The following AQP2 variants were observed in gnomAD, a reference collection of about 807,000 sequenced individuals.
AQP2 encodes aquaporin 2.
A neutral mutation model predicts 21.6 loss-of-function variants in AQP2; 20 were observed. That is an observed-to-expected ratio of 0.92 (90% CI 0.65 to 1.34). The LOEUF (loss-of-function observed/expected upper bound fraction) is 1.34. AQP2 is among the 40% of genes most tolerant of loss of function. The probability of loss-of-function intolerance (pLI) is 0.00; values close to 1 mark genes in which losing one functional copy is unlikely to be tolerated. For synonymous variants in AQP2, 168 were observed against 166.9 expected, an observed-to-expected ratio of 1.01 and a Z score of -0.05; for missense variants, 325 against 363.4, an observed-to-expected ratio of 0.89 and a Z score of 0.86.
Position 49,954,230 on chromosome 12 carries a change from T to C in AQP2, c.436T>C (p.Phe146Leu), listed in dbSNP as rs755964170. 10 of 1,605,260 alleles carry C rather than the reference T, an allele frequency of 6.2e-6. 1 individual carries two copies. The South Asian group carries it at 7.7e-5, about 12-fold the overall frequency. The change falls in exon 2 of 4, where the codon TTC becomes CTC. Residue 146 changes from phenylalanine (F) to leucine (L), a missense_variant. By Grantham distance (22) the Phe-to-Leu change is conservative. Transcript: ENST00000199280. ...FLTLQLVLCIFASTDERRGEN... is the reference protein window; with the variant it reads ...FLTLQLVLCILASTDERRGEN... ...GACACTGCAGCTGGTGCTCTGCATC[T>C]TCGCCTCCACCGATGAGCGCCGCGG...
Position 49,954,319 on chromosome 12 carries a change from G to T in AQP2, c.525G>T (p.Gly175=). ...GFSVALGHLL[G]IHYTGCSMNP... is the part of the protein sequence containing the mutation. ...CTGTGGCCCTGGGCCACCTCCTTGG[G>T]GTAGGTCATGGCCATGGGTTCCAGC... Residue 175 remains glycine, a splice_region_variant and synonymous_variant, in exon 2 of 4, where the codon GGG becomes GGT. Transcript: ENST00000199280. 1 of 1,608,210 alleles carries T rather than the reference G, an allele frequency of 6.2e-7. No individual in the cohort carries two copies.
At chr12:49,955,261 G>A in intron 3 of AQP2, 138 bp from the exon 4 acceptor site, 1 of 965,108 alleles carries the variant, frequency 1.0e-6, no homozygotes, top group Non-Finnish European at 1.5e-6. Flanking sequence ...CGTTGTCGTT[G>A]TAATTACATA....
chr12:49,953,188 A>G lies in AQP2; in HGVS notation c.361-967A>G, dbSNP rs192071629. On this transcript the variant is annotated intron_variant, in intron 1 of 3. Transcript: ENST00000199280. ...TCTAGAGACTCTGCATTGGACAACA[A>G]TAGGAGGGATTGAGGTTAGACCCTA... 1.3e-3 allele frequency among the ~76,000 whole-genome samples: 194 copies of G among 152,300 alleles called. 1 individual carries two copies. Among genetic ancestry groups the G allele is most frequent in the Non-Finnish European group, 2.0e-3 (137 of 68,016 alleles).
At position 49,955,420 on chromosome 12, in the gene AQP2, G is replaced by A. The variant is rs752925390; in HGVS notation, c.628G>A (p.Val210Met). The change falls in exon 4 of 4, where the codon GTG (valine) becomes ATG (methionine). Residue 210 changes from valine to methionine, a missense_variant. By Grantham distance (21) the Val-to-Met change is conservative. Coordinates refer to ENST00000199280, the MANE Select transcript of AQP2 (RefSeq NM_000486.6). ...CCAGGTCTTCTGGATCGGACCCCTG[G>A]TGGGCGCCATCCTGGGCTCCCTCCT... ...DHWVFWIGPL[V>M]GAILGSLLYN... 1 of 1,612,648 alleles carries A rather than the reference G, an allele frequency of 6.2e-7. No homozygotes were observed. Among genetic ancestry groups the A allele is most frequent in the South Asian group, 1.1e-5 (1 of 91,076 alleles).
rs1947368666 is a variant in AQP2 at position 49,956,142 on chromosome 12, C to G, written c.*534C>G. 1 of 162,798 alleles carries G rather than the reference C, an allele frequency of 6.1e-6. No homozygotes were observed. Among genetic ancestry groups the G allele is most frequent in the African/African-American group, 2.4e-5 (1 of 41,592 alleles). The allele number at this position is 162,798 out of a possible 1,614,324, so 10.1% of individuals were successfully genotyped here. A position where few individuals can be genotyped will look rare whatever the true frequency, so the allele number is the denominator to read the frequency against. ...GGGACTTCTCACTTCCCCTTGCACCCCTTCCTCCCCAACCTGCAATAAATC... is the reference window on the plus strand; with the variant it reads ...GGGACTTCTCACTTCCCCTTGCACCGCTTCCTCCCCAACCTGCAATAAATC... On this transcript the variant is annotated 3_prime_UTR_variant, in exon 4 of 4. Transcript: ENST00000199280.
At position 49,955,720 on chromosome 12, in the gene AQP2, T is replaced by C; in HGVS notation, c.*112T>C. 1 of 1,348,836 alleles carries C rather than the reference T, an allele frequency of 7.4e-7. No individual in the cohort carries two copies. The highest frequency in any genetic ancestry group is 1.0e-6 in the Non-Finnish European group (1 of 979,792). The allele number at this position is 1,348,836 out of a possible 1,614,324, so 83.6% of individuals were successfully genotyped here. A position where few individuals can be genotyped will look rare whatever the true frequency, so the allele number is the denominator to read the frequency against. On this transcript the variant is annotated 3_prime_UTR_variant, in exon 4 of 4. Coordinates refer to ENST00000199280, the MANE Select transcript of AQP2 (RefSeq NM_000486.6). ...CTGAAGTTGGCCCCCCAGCGCAGAGTAGCTGCTTCCTGGACGTGCGCGCCC... is the reference window on the plus strand; with the variant it reads ...CTGAAGTTGGCCCCCCAGCGCAGAGCAGCTGCTTCCTGGACGTGCGCGCCC...
At position 49,951,015 on chromosome 12, in the gene AQP2, T is replaced by C. The variant is rs1308492971; in HGVS notation, c.185T>C (p.Ile62Thr). 6.2e-7 allele frequency: 1 copy of C among 1,614,026 alleles called. No individual in the cohort carries two copies. The highest frequency in any genetic ancestry group is 1.1e-5 in the South Asian group (1 of 91,086). The change falls in exon 1 of 4, where the codon ATA becomes ACA. Residue 62 changes from isoleucine to threonine, a missense_variant. Coordinates refer to ENST00000199280, the MANE Select transcript of AQP2 (RefSeq NM_000486.6). ...IGTLVQALGH[I>T]SGAHINPAVT... ...ACCCTGGTACAGGCTCTGGGCCACA[T>C]AAGCGGGGCCCACATCAACCCTGCC...
chr12:49,954,133 C>T (rs374384777), intron 1 of AQP2, 22 bp from the exon 2 acceptor site: 2 of 1,597,594 alleles, frequency 1.3e-6, no homozygotes, highest in Non-Finnish European at 1.7e-6. Flanking sequence ...TGTTCCCCTA[C>T]CCGCCTCTTC....
rs767301067 is a variant in AQP2 at position 49,950,968 on chromosome 12, G to A, written c.138G>A (p.Met46Ile). 1.2e-6 allele frequency: 2 copies of A among 1,614,220 alleles called. No individual in the cohort carries two copies. Among genetic ancestry groups the A allele is most frequent in the South Asian group, 2.2e-5 (2 of 91,088 alleles). Reference sequence around the variant, plus strand: ...TGCCCTCTGTGCTACAGATTGCCATGGCGTTTGGCTTGGGTATTGGCACCC... The same window carrying A: ...TGCCCTCTGTGCTACAGATTGCCATAGCGTTTGGCTTGGGTATTGGCACCC... ...QALPSVLQIA[M>I]AFGLGIGTLV... The change falls in exon 1 of 4, where the codon ATG becomes ATA. Residue 46 changes from methionine to isoleucine, a missense_variant. Physicochemically the swap from Met to Ile is conservative, Grantham distance 10 (BLOSUM62 1). Coordinates refer to ENST00000199280, the MANE Select transcript of AQP2 (RefSeq NM_000486.6).
In AQP2 at chr12:49,957,223, G is replaced by T. The variant is rs1947377451; in HGVS notation, c.*1615G>T. On this transcript the variant is annotated 3_prime_UTR_variant, in exon 4 of 4. Transcript: ENST00000199280. ...GGAGCCCACAAGATCCAGGCAGAAG[G>T]AGATGGGTTTGGGGCTGGCCCCATC... 6.6e-6 allele frequency: 1 copy of T among 152,200 alleles called. No individual in the cohort carries two copies. The highest frequency in any genetic ancestry group is 6.5e-5 in the Admixed American group (1 of 15,292). 9.4% of individuals were successfully genotyped at this position (152,200 alleles called of 1,614,324 possible).
rs1282021217 is a variant in AQP2 at position 49,957,413 on chromosome 12, C to CT, written c.*1806dup. On this transcript the variant is annotated 3_prime_UTR_variant, in exon 4 of 4. Coordinates refer to ENST00000199280, the MANE Select transcript of AQP2 (RefSeq NM_000486.6). ...TTGAACCCCCCTCCGCCCCCATGCT[C>CT]TCTGTGGCCTCCATGCCTTCAAGAC... 1 of 152,510 alleles carries CT rather than the reference C, an allele frequency of 6.6e-6. No homozygotes were observed. Among genetic ancestry groups the CT allele is most frequent in the East Asian group, 1.9e-4 (1 of 5,212 alleles). 9.4% of individuals were successfully genotyped at this position (152,510 alleles called of 1,614,324 possible).
intron 3 of AQP2, 107 bp downstream of exon 3, chr12:49,954,817 C>T: frequency 1.6e-6 from 2 of 1,233,752 alleles, no homozygotes; most frequent in Non-Finnish European, 2.4e-6. Context: ...TACCCCAAAC[C>T]CTCCACACTC....
rs1396647505 is a variant in AQP2 at position 49,955,781 on chromosome 12, C to G, written c.*173C>G. On this transcript the variant is annotated 3_prime_UTR_variant, in exon 4 of 4. Transcript: ENST00000199280. ...TGTGAGCAGGCGGGGAGGAGGCTGC[C>G]GGAGGGAGCCCTGAGCCTGGCAGGT... The G allele has an allele frequency of 1.1e-6, 1 of 905,384 alleles. No homozygotes were observed. The highest frequency in any genetic ancestry group is 2.6e-5 in the East Asian group (1 of 38,108). The allele number at this position is 905,384 out of a possible 1,614,324, so 56.1% of individuals were successfully genotyped here.
Position 49,956,434 on chromosome 12 carries a change from C to T in AQP2, c.*826C>T, listed in dbSNP as rs1947371044. On this transcript the variant is annotated 3_prime_UTR_variant, in exon 4 of 4. Transcript: ENST00000199280. Reference sequence around the variant, plus strand: ...TCTTTGGTGGCCAAAGATTTCCTTTCTGTGGTGAGGGAGAACCTCTCCAAA... The same window carrying T: ...TCTTTGGTGGCCAAAGATTTCCTTTTTGTGGTGAGGGAGAACCTCTCCAAA... 1 of 152,196 alleles carries T rather than the reference C, an allele frequency of 6.6e-6. No homozygotes were observed. The highest frequency in any genetic ancestry group is 2.1e-4 in the South Asian group (1 of 4,834). The allele number at this position is 152,196 out of a possible 1,614,324, so 9.4% of individuals were successfully genotyped here. A position where few individuals can be genotyped will look rare whatever the true frequency, so the allele number is the denominator to read the frequency against.
At chr12:49,952,261 TGTAATCCCAGC>T (rs1947335845) in intron 1 of AQP2, among the ~76,000 whole-genome samples, 1 of 152,028 alleles carries the variant, frequency 6.6e-6, no homozygotes, top group Non-Finnish European at 1.5e-5. Context: ...ATTACACGCC[TGTAATCCCAGC>T]TAATTTTTGT....
chr12:49,955,805 G>T lies in AQP2; in HGVS notation c.*197G>T. The T allele has an allele frequency of 1.3e-6, 1 of 780,004 alleles. No homozygotes were observed. Among genetic ancestry groups the T allele is most frequent in the South Asian group, 1.5e-5 (1 of 67,726 alleles). 48.3% of individuals were successfully genotyped at this position (780,004 alleles called of 1,614,324 possible). A position where few individuals can be genotyped will look rare whatever the true frequency, so the allele number is the denominator to read the frequency against. On this transcript the variant is annotated 3_prime_UTR_variant, in exon 4 of 4. Transcript: ENST00000199280. The stretch of plus-strand genomic sequence containing the variant: ...CCGGAGGGAGCCCTGAGCCTGGCAG[G>T]TCCCCTGCCCTGAGGCTGTGAGCAG...
Position 49,957,984 on chromosome 12 carries a change from A to T in AQP2, c.*2376A>T, listed in dbSNP as rs908784394. 5 of 152,196 alleles carry T rather than the reference A, an allele frequency of 3.3e-5. No homozygotes were observed. Among genetic ancestry groups the T allele is most frequent in the Admixed American group, 3.3e-4 (5 of 15,286 alleles). 9.4% of individuals were successfully genotyped at this position (152,196 alleles called of 1,614,324 possible). ...ACCATTTCTAGCCTCTATTGCCCAG[A>T]TTGGAGTCAGAGGTCAAAAAAGGAT... On this transcript the variant is annotated 3_prime_UTR_variant, in exon 4 of 4. Coordinates refer to ENST00000199280, the MANE Select transcript of AQP2 (RefSeq NM_000486.6).
At chr12:49,955,261 G>T (rs963672424) in intron 3 of AQP2, 138 bp from the exon 4 acceptor site, 12 of 965,108 alleles carry the variant, frequency 1.2e-5, no homozygotes, top group Non-Finnish European at 1.8e-5. Flanking sequence ...CGTTGTCGTT[G>T]TAATTACATA....
rs976627042 is a variant in AQP2, at chr12:49,954,540, A to C, written c.526-90A>C. 25 of 1,486,542 alleles carry C rather than the reference A, an allele frequency of 1.7e-5. No homozygotes were observed. In the East Asian group the frequency reaches 5.6e-4, roughly 34 times the overall value. The allele number at this position is 1,486,542 out of a possible 1,614,324, so 92.1% of individuals were successfully genotyped here. ...ATTGTCCATCACGTGGGTTCCCTTT[A>C]GGCTGAGGTCAAGCACTGCAGTGCG... is the stretch of plus-strand genomic sequence containing the variant. On this transcript the variant is annotated intron_variant, in intron 2 of 3. Coordinates refer to ENST00000199280, the MANE Select transcript of AQP2 (RefSeq NM_000486.6).
Sources: gnomAD v4.1 joint callset for allele counts (sites outside exome capture counted in the v4.1 genomes callset) on GRCh38, gnomAD v4.1.1 for gene constraint, MANE v1.5 for transcripts, NCBI Gene and HGNC (gene_info 2026-07-23, HGNC 2026-07-21) for gene names.